PID1: variants seen among roughly 807,000 people sequenced by gnomAD.
The protein encoded by PID1 is PTB-containing, cubilin and LRP1-interacting protein.
Under a neutral mutation model 19.1 loss-of-function variants are expected in PID1, and 10 were observed. That is an observed-to-expected ratio of 0.52 (90% CI 0.32 to 0.89). PID1 has a LOEUF of 0.89. PID1 is among the 40% of genes least tolerant of loss of function. The pLI is 0.03. For missense variants in PID1, 248 were observed against 285.3 expected, an observed-to-expected ratio of 0.87 and a Z score of 0.94; for synonymous variants, 130 against 116.0, an observed-to-expected ratio of 1.12 and a Z score of -0.78.
At chr2:229,193,975 T>TG (rs1056941453) in intron 1 of PID1, among the ~76,000 whole-genome samples, 12 of 152,162 alleles carry the variant, frequency 7.9e-5, no homozygotes, top group African/African-American at 2.9e-4. Context: ...AGCTGCAGAA[T>TG]GGGGGATATT....
rs190171908 is a variant in PID1 at position 229,121,130 on chromosome 2, T to C, written c.177+34688A>G. ...CAAAATGGACTAACACAATGATATATTGTATTGGTTATAAGTCCTATTGGT... is the reference window on the plus strand; with the variant it reads ...CAAAATGGACTAACACAATGATATACTGTATTGGTTATAAGTCCTATTGGT... On this transcript the variant is annotated intron_variant, in intron 2 of 2. Coordinates refer to ENST00000392055, the MANE Select transcript of PID1 (RefSeq NM_001100818.2). Among the ~76,000 whole-genome samples, 38 of 152,262 alleles carry C rather than the reference T, an allele frequency of 2.5e-4. No individual in the cohort carries two copies. In the South Asian group the frequency reaches 6.2e-3, roughly 25 times the overall value.
chr2:229,073,854 C>T (rs973844967), intron 2 of PID1, among the ~76,000 whole-genome samples: 1 of 152,170 alleles, frequency 6.6e-6, no homozygotes, highest in Non-Finnish European at 1.5e-5. Context: ...AAATAAGTTT[C>T]TATTAAAATG....
intron 1 of PID1, among the ~76,000 whole-genome samples, chr2:229,158,472 T>C (rs765123069): frequency 2.3e-4 from 35 of 152,118 alleles, no homozygotes; most frequent in Non-Finnish European, 4.9e-4. Context: ...AAAAGCACCA[T>C]AGGAGCAGAA....
At chr2:229,210,525 C>CAAAAAAAAAA (rs1170895327) in intron 1 of PID1, among the ~76,000 whole-genome samples, 4 of 15,544 alleles carry the variant, frequency 2.6e-4, no homozygotes, top group African/African-American at 2.8e-4. Context: ...AGTTTTGTCT[C>CAAAAAAAAAA]AAAAAAAAAA....
intron 2 of PID1, among the ~76,000 whole-genome samples, chr2:229,054,357 G>T (rs1345571117): frequency 6.6e-6 from 1 of 152,170 alleles, no homozygotes; most frequent in African/African-American, 2.4e-5. Context: ...GTTTTGAGGA[G>T]AAGCGGCATG....
intron 1 of PID1, among the ~76,000 whole-genome samples, chr2:229,188,390 G>A (rs532102096): frequency 6.6e-6 from 1 of 152,038 alleles, no homozygotes; most frequent in African/African-American, 2.4e-5. Flanking sequence ...GAAGAAAGGG[G>A]AAGAGAGTGA....
intron 1 of PID1, among the ~76,000 whole-genome samples, chr2:229,198,622 C>T: frequency 6.6e-6 from 1 of 152,014 alleles, no homozygotes. Context: ...GAATCCTTCC[C>T]ATCTCAGTAA....
At chr2:229,051,345 T>G (rs1462111582) in intron 2 of PID1, among the ~76,000 whole-genome samples, 4 of 152,186 alleles carry the variant, frequency 2.6e-5, no homozygotes, top group Non-Finnish European at 2.9e-5. Flanking sequence ...TCTTTTCTAT[T>G]TTAATTTTTT....
At position 229,024,543 on chromosome 2, in the gene PID1, G is replaced by A. The variant is rs1693369065; in HGVS notation, c.*1089C>T. ...ATAACGCAATAAGATTTCCCTTTAG[G>A]TTAAGATGACATGGGTCTCTAGACA... is the stretch of plus-strand genomic sequence containing the variant. On this transcript the variant is annotated 3_prime_UTR_variant, in exon 3 of 3. Coordinates refer to ENST00000392055, the MANE Select transcript of PID1 (RefSeq NM_001100818.2). 6.6e-6 allele frequency: 1 copy of A among 152,570 alleles called. No individual in the cohort carries two copies. Among genetic ancestry groups the A allele is most frequent in the Non-Finnish European group, 1.5e-5 (1 of 68,020 alleles). 9.5% of individuals were successfully genotyped at this position (152,570 alleles called of 1,614,324 possible).
chr2:229,219,153 A>G (rs555852762), intron 1 of PID1, among the ~76,000 whole-genome samples: 3 of 152,242 alleles, frequency 2.0e-5, no homozygotes, highest in African/African-American at 7.2e-5. Flanking sequence ...TTATTTACTT[A>G]CTTATTTATT....
At chr2:229,039,744 G>A (rs780875721) in intron 2 of PID1, among the ~76,000 whole-genome samples, 8 of 152,094 alleles carry the variant, frequency 5.3e-5, no homozygotes, top group Non-Finnish European at 1.2e-4. Context: ...TAAAATGTAT[G>A]GCCCATGTTC....
chr2:229,166,238 A>G (rs1005418990), intron 1 of PID1, among the ~76,000 whole-genome samples: 1 of 152,238 alleles, frequency 6.6e-6, no homozygotes, highest in African/African-American at 2.4e-5. Flanking sequence ...GATTCCATTT[A>G]TATAGCATTG....
chr2:229,184,994 CCA>C, intron 1 of PID1, among the ~76,000 whole-genome samples: 1 of 119,860 alleles, frequency 8.3e-6, no homozygotes, highest in Non-Finnish European at 1.7e-5. Context: ...TATATATATC[CCA>C]TATATATACA....
chr2:229,108,013 C>T (rs1016912819), intron 2 of PID1, among the ~76,000 whole-genome samples: 1 of 152,178 alleles, frequency 6.6e-6, no homozygotes, highest in African/African-American at 2.4e-5. Context: ...CACATACACA[C>T]CGACATCAAA....
At chr2:229,072,560 C>G (rs544102204) in intron 2 of PID1, among the ~76,000 whole-genome samples, 2 of 151,464 alleles carry the variant, frequency 1.3e-5, no homozygotes, top group South Asian at 4.2e-4. Context: ...ATCGCTCCAG[C>G]CTGGGCGACA....
At chr2:229,250,924 G>C (rs1015691324) in intron 1 of PID1, among the ~76,000 whole-genome samples, 12 of 152,134 alleles carry the variant, frequency 7.9e-5, no homozygotes, top group African/African-American at 2.9e-4. Flanking sequence ...TTAAAACTCA[G>C]TTTGGCTCCT....
chr2:229,139,231 G>A (rs1689962315), intron 2 of PID1, among the ~76,000 whole-genome samples: 1 of 152,006 alleles, frequency 6.6e-6, no homozygotes, highest in Non-Finnish European at 1.5e-5. Context: ...CACCATGATA[G>A]GGCACTTAAC....
At chr2:229,262,629 T>C in intron 1 of PID1, 1 of 1,538,398 alleles carries the variant, frequency 6.5e-7, no homozygotes, top group Non-Finnish European at 8.8e-7. Flanking sequence ...AGGGCTGTTG[T>C]AACAAATAAC....
At chr2:229,042,952 T>TGA (rs901847060) in intron 2 of PID1, among the ~76,000 whole-genome samples, 28 of 151,500 alleles carry the variant, frequency 1.8e-4, no homozygotes, top group African/African-American at 5.8e-4. Flanking sequence ...TAATTTTTTT[T>TGA]GAGAGAGAGA....
Sources: allele counts gnomAD v4.1 joint callset (sites outside exome capture counted in the v4.1 genomes callset), GRCh38; gene constraint gnomAD v4.1.1; transcripts MANE v1.5; gene names NCBI Gene and HGNC (gene_info 2026-07-23, HGNC 2026-07-21).